The following TAF4B variants were observed in gnomAD, a reference collection of about 807,000 sequenced individuals.
TAF4B encodes transcription initiation factor TFIID subunit 4B.
In TAF4B, 38 loss-of-function variants were observed where a neutral mutation model predicts 86.4. The ratio of observed to expected loss-of-function variants is 0.44; its 90% confidence interval spans 0.34 to 0.58. The LOEUF (loss-of-function observed/expected upper bound fraction) is 0.58, where lower values mean the gene tolerates loss of function less well. Among genes scored for constraint, TAF4B ranks in the 20% least tolerant of loss-of-function variants. The probability of loss-of-function intolerance (pLI) is 0.02; values close to 1 mark genes in which losing one functional copy is unlikely to be tolerated. For missense variants in TAF4B, 988 were observed against 1,027.6 expected, an observed-to-expected ratio of 0.96 and a Z score of 0.53; for synonymous variants, 388 against 391.2, an observed-to-expected ratio of 0.99 and a Z score of 0.10.
At chr18:26,334,273 T>G (rs894998982) in intron 12 of TAF4B, among the ~76,000 whole-genome samples, 10 of 152,178 alleles carry the variant, frequency 6.6e-5, no homozygotes, top group Non-Finnish European at 1.3e-4. Context: ...AAGGTTCTGG[T>G]AAATCAATAA....
chr18:26,279,964 A>G (rs2056427514), intron 5 of TAF4B, among the ~76,000 whole-genome samples: 1 of 151,976 alleles, frequency 6.6e-6, no homozygotes, highest in Non-Finnish European at 1.5e-5. Flanking sequence ...GAATTGCCTG[A>G]ACCTGGGAGG....
intron 9 of TAF4B, chr18:26,295,254 C>T (rs1598769802): frequency 5.2e-6 from 2 of 382,082 alleles, no homozygotes; most frequent in Non-Finnish European, 1.0e-5. Flanking sequence ...CTGTCGTGTT[C>T]TGTCATCTCT....
intron 13 of TAF4B, among the ~76,000 whole-genome samples, chr18:26,339,076 C>T (rs1198986641): frequency 6.6e-6 from 1 of 152,164 alleles, no homozygotes; most frequent in Admixed American, 6.5e-5. Context: ...GCTGATATGT[C>T]TGTGGATATT....
intron 12 of TAF4B, among the ~76,000 whole-genome samples, chr18:26,328,697 G>A (rs1225160228): frequency 6.6e-6 from 1 of 151,940 alleles, no homozygotes; most frequent in Non-Finnish European, 1.5e-5. Flanking sequence ...TCGGCTCACT[G>A]CAACCTCTGC....
chr18:26,267,407 A>G, intron 2 of TAF4B, 109 bp from the exon 3 acceptor site: 2 of 736,996 alleles, frequency 2.7e-6, no homozygotes, highest in South Asian at 3.5e-5. Context: ...AACTCCAGTC[A>G]TAACAAATAC....
chr18:26,347,952 T>C (rs1791759), intron 13 of TAF4B, among the ~76,000 whole-genome samples: 141,552 of 152,276 alleles, frequency 0.93, 66,118 homozygotes, highest in East Asian at 0.99. Flanking sequence ...GAAAGATAGA[T>C]CCCAATACAG....
chr18:26,339,584 C>G (rs958963694), intron 13 of TAF4B, among the ~76,000 whole-genome samples: 1 of 130,098 alleles, frequency 7.7e-6, no homozygotes, highest in Non-Finnish European at 1.8e-5. Flanking sequence ...GCCTCAGCCT[C>G]CATAAGTTCT....
chr18:26,237,112 C>T (rs2055760850), intron 1 of TAF4B, among the ~76,000 whole-genome samples: 1 of 152,208 alleles, frequency 6.6e-6, no homozygotes, highest in African/African-American at 2.4e-5. Context: ...TGATCTGAGT[C>T]TGGGTCCCAG....
chr18:26,383,294 A>T (rs1015105268), intron 14 of TAF4B, among the ~76,000 whole-genome samples: 1 of 152,190 alleles, frequency 6.6e-6, no homozygotes, highest in East Asian at 1.9e-4. Context: ...AACACTGGAA[A>T]TAGGGAGGTT....
At position 26,227,018 on chromosome 18, in the gene TAF4B, G is replaced by A; in HGVS notation, c.85G>A (p.Gly29Arg). 3 of 1,474,142 alleles carry A rather than the reference G, an allele frequency of 2.0e-6. No individual in the cohort carries two copies. Among genetic ancestry groups the A allele is most frequent in the Non-Finnish European group, 2.7e-6 (3 of 1,127,184 alleles). The allele number at this position is 1,474,142 out of a possible 1,614,324, so 91.3% of individuals were successfully genotyped here. Residue 29 changes from glycine (G) to arginine (R), a missense_variant, in exon 1 of 15, where the codon GGG becomes AGG. Gly to Arg is a moderately radical substitution (Grantham distance 125). This residue lies in a region of TAF4B where 747 missense variants were observed against 737.9 expected (regional missense o/e 1.01). Transcript: ENST00000269142. ...ASGTVTMAPAGALPVRVESTP... is the reference protein window; with the variant it reads ...ASGTVTMAPARALPVRVESTP... ...GGGGACCGTGACCATGGCCCCGGCC[G>A]GGGCGCTGCCGGTGCGGGTGGAGAG...
chr18:26,274,717 A>G lies in TAF4B; in HGVS notation c.652A>G (p.Thr218Ala), dbSNP rs747417504. Residue 218 changes from threonine (T) to alanine (A), a missense_variant, in exon 4 of 15, where the codon ACT becomes GCT. Transcript: ENST00000269142. ...VTVTPGKPLN[T>A]VTTLKPSSLG... The stretch of plus-strand genomic sequence containing the variant: ...AGTTACTCCTGGAAAGCCATTGAAT[A>G]CTGTAACTACCCTGAAGCCTTCAAG... 6.8e-6 allele frequency: 11 copies of G among 1,614,192 alleles called. No homozygotes were observed. Among genetic ancestry groups the G allele is most frequent in the South Asian group, 1.1e-5 (1 of 91,086 alleles).
chr18:26,296,707 G>A (rs959887093), intron 9 of TAF4B, among the ~76,000 whole-genome samples: 2 of 152,120 alleles, frequency 1.3e-5, no homozygotes, highest in African/African-American at 4.8e-5. Flanking sequence ...AGATTCCTTT[G>A]CACTCCTTAC....
intron 14 of TAF4B, among the ~76,000 whole-genome samples, chr18:26,371,753 A>G (rs2057407488): frequency 1.3e-5 from 2 of 152,154 alleles, no homozygotes; most frequent in Admixed American, 1.3e-4. Context: ...GTAAATGATT[A>G]TACTCCCGCA....
intron 10 of TAF4B, among the ~76,000 whole-genome samples, chr18:26,316,703 C>T (rs934322608): frequency 2.6e-5 from 4 of 152,052 alleles, no homozygotes; most frequent in Non-Finnish European, 4.4e-5. Flanking sequence ...TAATTTAAAT[C>T]GAGAATACAT....
At chr18:26,348,026 A>G (rs2057214564) in intron 13 of TAF4B, among the ~76,000 whole-genome samples, 1 of 152,328 alleles carries the variant, frequency 6.6e-6, no homozygotes, top group Admixed American at 6.5e-5. Flanking sequence ...CAGAAAATCA[A>G]CGAAGAAACA....
At chr18:26,228,448 C>T (rs1331831251) in intron 1 of TAF4B, among the ~76,000 whole-genome samples, 2 of 152,166 alleles carry the variant, frequency 1.3e-5, no homozygotes, top group South Asian at 2.1e-4. Flanking sequence ...TGTTAAGGCA[C>T]TGTTACGGCA....
At chr18:26,291,189 T>A (rs2056587914) in intron 7 of TAF4B, among the ~76,000 whole-genome samples, 1 of 152,156 alleles carries the variant, frequency 6.6e-6, no homozygotes, top group African/African-American at 2.4e-5. Context: ...CATTTATATT[T>A]GCCATATATG....
At chr18:26,259,433 C>G (rs2056132759) in intron 1 of TAF4B, among the ~76,000 whole-genome samples, 2 of 152,026 alleles carry the variant, frequency 1.3e-5, no homozygotes, top group Admixed American at 1.3e-4. Context: ...TCCCTCCCCC[C>G]TCCTCCCACC....
chr18:26,359,937 C>T (rs144921550), intron 14 of TAF4B, among the ~76,000 whole-genome samples: 10 of 151,034 alleles, frequency 6.6e-5, no homozygotes, highest in African/African-American at 1.9e-4. Context: ...AGCTTGGTCT[C>T]GAACTTCTGA....
Sources: allele counts gnomAD v4.1 joint callset (sites outside exome capture counted in the v4.1 genomes callset), GRCh38; gene constraint gnomAD v4.1.1; regional missense constraint gnomAD v4.1.1; transcripts MANE v1.5; gene names NCBI Gene and HGNC (gene_info 2026-07-23, HGNC 2026-07-21).